The following DAPK1 variants were observed in gnomAD, a reference collection of about 807,000 sequenced individuals.
The protein encoded by DAPK1 is death-associated protein kinase 1.
In DAPK1, 56 loss-of-function variants were observed where a neutral mutation model predicts 144.9. The observed-to-expected ratio is 0.39, with a 90% confidence interval of 0.31 to 0.48. DAPK1 has a LOEUF of 0.48. Ranked by LOEUF, DAPK1 falls within the 20% of genes least tolerant of loss-of-function variation. The pLI is 0.95. For missense variants in DAPK1, 1,454 were observed against 1,875.4 expected (o/e 0.78, Z 4.15); for synonymous variants, 690 against 749.0 (o/e 0.92, Z 1.29).
chr9:87,638,654 G>T (rs1289016242), intron 4 of DAPK1, among the ~76,000 whole-genome samples: 2 of 152,228 alleles, frequency 1.3e-5, no homozygotes, highest in Non-Finnish European at 2.9e-5. Context: ...GGAAGTTCCA[G>T]TTCAAGGCAG....
chr9:87,590,369 C>CAAAAAA (rs200588801), intron 2 of DAPK1, among the ~76,000 whole-genome samples: 75 of 85,686 alleles, frequency 8.8e-4, no homozygotes, highest in African/African-American at 2.6e-3. Flanking sequence ...TCATTGGCCT[C>CAAAAAA]AAAAAAAAAA....
At chr9:87,656,700 C>T (rs1480779770) in intron 17 of DAPK1, among the ~76,000 whole-genome samples, 2 of 152,182 alleles carry the variant, frequency 1.3e-5, no homozygotes, top group Non-Finnish European at 2.9e-5. Flanking sequence ...ACAGTGGACG[C>T]GATTCAGGCA....
At chr9:87,565,500 G>A (rs1242265508) in intron 2 of DAPK1, among the ~76,000 whole-genome samples, 1 of 152,150 alleles carries the variant, frequency 6.6e-6, no homozygotes, top group African/African-American at 2.4e-5. Flanking sequence ...CATTGCAGCA[G>A]GCTAATAGGA....
At chr9:87,649,463 A>G (rs1486264819) in intron 15 of DAPK1, among the ~76,000 whole-genome samples, 1 of 152,212 alleles carries the variant, frequency 6.6e-6, no homozygotes, top group Non-Finnish European at 1.5e-5. Context: ...ACAGAAAGCT[A>G]GAGGCATTAA....
At chr9:87,529,166 C>T (rs1472428311) in intron 2 of DAPK1, among the ~76,000 whole-genome samples, 1 of 152,190 alleles carries the variant, frequency 6.6e-6, no homozygotes, top group Non-Finnish European at 1.5e-5. Flanking sequence ...AAACCGCGTA[C>T]TTGATCTCTC....
chr9:87,696,906 A>G, intron 21 of DAPK1, 101 bp from the exon 22 acceptor site: 1 of 760,504 alleles, frequency 1.3e-6, no homozygotes. Flanking sequence ...TGCCATAAGT[A>G]TCACTATGCC....
chr9:87,510,520 C>G (rs1316311249), intron 2 of DAPK1, among the ~76,000 whole-genome samples: 1 of 152,224 alleles, frequency 6.6e-6, no homozygotes. Context: ...CTCTGATTTC[C>G]TGTATTCCTT....
At chr9:87,600,415 T>C (rs1418131361) in intron 2 of DAPK1, among the ~76,000 whole-genome samples, 1 of 152,098 alleles carries the variant, frequency 6.6e-6, no homozygotes, top group African/African-American at 2.4e-5. Flanking sequence ...AGCGAGACTC[T>C]ATCTCTGCAA....
At chr9:87,615,852 C>T (rs1462934069) in intron 3 of DAPK1, among the ~76,000 whole-genome samples, 1 of 152,244 alleles carries the variant, frequency 6.6e-6, no homozygotes, top group Non-Finnish European at 1.5e-5. Flanking sequence ...GAGAGATGCT[C>T]ATTCTCAGAC....
chr9:87,610,547 A>C (rs914034350), intron 3 of DAPK1, among the ~76,000 whole-genome samples: 9 of 152,266 alleles, frequency 5.9e-5, no homozygotes, highest in African/African-American at 2.2e-4. Context: ...TGCTGCTCAG[A>C]AACAGCTAGG....
intron 3 of DAPK1, among the ~76,000 whole-genome samples, chr9:87,627,591 C>T (rs976947560): frequency 6.6e-6 from 1 of 152,168 alleles, no homozygotes; most frequent in Middle Eastern, 3.2e-3. Context: ...GTCCCCTCTC[C>T]CATGTAGCCA....
chr9:87,659,639 C>T (rs1208414107), intron 18 of DAPK1, among the ~76,000 whole-genome samples: 1 of 152,088 alleles, frequency 6.6e-6, no homozygotes, highest in Non-Finnish European at 1.5e-5. Context: ...TTGCCCACGA[C>T]ATCTGTATCA....
rs141092986 is a variant in DAPK1 at position 87,550,279 on chromosome 9, G to A, written c.62+51140G>A. ...AGAACTTCATGTGGATGAGATCCTA[G>A]AATGTGTTTATTATTTTGTGCAAGA... is the stretch of plus-strand genomic sequence containing the variant. On this transcript the variant is annotated intron_variant, in intron 2 of 25. Coordinates refer to ENST00000408954, the MANE Select transcript of DAPK1 (RefSeq NM_004938.4). 2.9e-3 allele frequency among the ~76,000 whole-genome samples: 445 copies of A among 152,332 alleles called. 4 individuals are homozygous for A. Among genetic ancestry groups the A allele is most frequent in the African/African-American group, 0.01 (434 of 41,572 alleles).
intron 2 of DAPK1, among the ~76,000 whole-genome samples, chr9:87,592,105 C>A (rs1337022717): frequency 1.3e-5 from 2 of 152,180 alleles, no homozygotes; most frequent in Non-Finnish European, 2.9e-5. Context: ...GTTTCCGTAT[C>A]ACTGCAGACA....
intron 19 of DAPK1, among the ~76,000 whole-genome samples, chr9:87,672,870 A>G (rs559379172): frequency 2.6e-4 from 40 of 152,294 alleles, no homozygotes; most frequent in African/African-American, 9.1e-4. Flanking sequence ...GAAGCAGGCA[A>G]TGCCTGTGGA....
Position 87,640,416 on chromosome 9 carries a change from G to A in DAPK1, c.748G>A (p.Asp250Asn), listed in dbSNP as rs755682253. ...CAGTAATACCAGTGCCCTAGCCAAA[G>A]ATTTCATAAGAAGACTTCTGGTCAA... ...YFSNTSALAKDFIRRLLVKDP... is the reference protein window; with the variant it reads ...YFSNTSALAKNFIRRLLVKDP... Residue 250 changes from aspartate to asparagine, a missense_variant, in exon 8 of 26, where the codon GAT becomes AAT. Around this residue, in one of 2 missense-constraint regions of DAPK1, gnomAD observed 429 missense variants for 637.5 expected, o/e 0.67. Transcript: ENST00000408954. 1 of 1,614,178 alleles carries A rather than the reference G, an allele frequency of 6.2e-7. No individual in the cohort carries two copies. The highest frequency in any genetic ancestry group is 8.5e-7 in the Non-Finnish European group (1 of 1,180,028).
chr9:87,647,435 G>A, intron 14 of DAPK1, 32 bp downstream of exon 14: 14 of 1,586,618 alleles, frequency 8.8e-6, no homozygotes, highest in Non-Finnish European at 1.2e-5. Context: ...GGAACATGAG[G>A]TGGTAGTAAA....
At chr9:87,639,947 C>T in intron 7 of DAPK1, 132 bp downstream of exon 7, 1 of 936,652 alleles carries the variant, frequency 1.1e-6, no homozygotes, top group Non-Finnish European at 1.6e-6. Context: ...CATTTTACAC[C>T]CCCAAAACAT....
At chr9:87,618,374 T>C (rs1461046704) in intron 3 of DAPK1, among the ~76,000 whole-genome samples, 2 of 152,240 alleles carry the variant, frequency 1.3e-5, no homozygotes, top group South Asian at 2.1e-4. Context: ...ACAGTTTGTC[T>C]GTTCCTCAAA....
Sources: gnomAD v4.1 joint callset for allele counts (sites outside exome capture counted in the v4.1 genomes callset) on GRCh38, gnomAD v4.1.1 for gene constraint, gnomAD v4.1.1 regional missense constraint, MANE v1.5 for transcripts, NCBI Gene and HGNC (gene_info 2026-07-23, HGNC 2026-07-21) for gene names.